The following ZNF704 variants were observed in gnomAD, a reference collection of about 807,000 sequenced individuals.
ZNF704 encodes the protein glucocorticoid induced gene 1.
ZNF704 carries 10 observed loss-of-function variants against 44.7 expected under a neutral mutation model. The ratio of observed to expected loss-of-function variants is 0.22; its 90% CI spans 0.14 to 0.38. The LOEUF (loss-of-function observed/expected upper bound fraction) is 0.38. ZNF704 is among the 10% of genes least tolerant of loss of function. The pLI is 1.00. For missense variants in ZNF704, 390 were observed against 545.5 expected (o/e 0.71, Z 2.84); for synonymous variants, 211 against 207.6 (o/e 1.02, Z -0.14).
intron 2 of ZNF704, among the ~76,000 whole-genome samples, chr8:80,804,300 T>C (rs1807950330): frequency 6.6e-6 from 1 of 152,298 alleles, no homozygotes; most frequent in Admixed American, 6.5e-5. Flanking sequence ...GACATACCAT[T>C]TAACCCAGCA....
rs1197426796 is a variant in ZNF704, at chr8:80,632,371, T to G, written c.*8995A>C. 1 of 152,164 alleles carries G rather than the reference T, an allele frequency of 6.6e-6. No individual in the cohort carries two copies. Among genetic ancestry groups the G allele is most frequent in the Non-Finnish European group, 1.5e-5 (1 of 68,052 alleles). The allele number at this position is 152,164 out of a possible 1,614,324, so 9.4% of individuals were successfully genotyped here. ...GACAGGGTTTCCCTCTTTCTTCTTT[T>G]GTTTTCACTCTTTCTTCCTCTGTTG... On this transcript the variant is annotated 3_prime_UTR_variant, in exon 9 of 9. Transcript: ENST00000327835.
At chr8:80,798,009 C>T (rs1807835761) in intron 2 of ZNF704, among the ~76,000 whole-genome samples, 1 of 152,152 alleles carries the variant, frequency 6.6e-6, no homozygotes, top group African/African-American at 2.4e-5. Context: ...ACTGCTTCAA[C>T]ATTTCTTCTG....
At chr8:80,674,574 C>T (rs1384553110) in intron 4 of ZNF704, among the ~76,000 whole-genome samples, 3 of 152,140 alleles carry the variant, frequency 2.0e-5, no homozygotes, top group African/African-American at 7.2e-5. Context: ...GGGAACTAAT[C>T]CATTCTCTCA....
At chr8:80,843,973 A>G (rs79922647) in intron 1 of ZNF704, among the ~76,000 whole-genome samples, 138 of 87,180 alleles carry the variant, frequency 1.6e-3, no homozygotes, top group East Asian at 3.2e-3. Context: ...ATATATGTGT[A>G]TATATATATA....
rs1808520883 is a variant in ZNF704, at chr8:80,834,258, C to T, written c.-21-12643G>A. On this transcript the variant is annotated intron_variant, in intron 1 of 8. Coordinates refer to ENST00000327835, the MANE Select transcript of ZNF704 (RefSeq NM_001033723.3). ...CAGTGGGGATGCAAATGGTCAGTATCTAGTGTTCCATGACTTTCAGTTACA... is the reference window on the plus strand; with the variant it reads ...CAGTGGGGATGCAAATGGTCAGTATTTAGTGTTCCATGACTTTCAGTTACA... Among the ~76,000 whole-genome samples, 7 of 152,164 alleles carry T rather than the reference C, an allele frequency of 4.6e-5. No homozygotes were observed. In the South Asian group the frequency reaches 1.2e-3, roughly 27 times the overall value.
chr8:80,687,464 T>C lies in ZNF704; in HGVS notation c.326-6A>G. 3 of 1,537,296 alleles carry C rather than the reference T, an allele frequency of 2.0e-6. No individual in the cohort carries two copies. The highest frequency in any genetic ancestry group is 2.6e-6 in the Non-Finnish European group (3 of 1,142,570). On this transcript the variant is annotated splice_region_variant and splice_polypyrimidine_tract_variant and intron_variant, in intron 3 of 8. Coordinates refer to ENST00000327835, the MANE Select transcript of ZNF704 (RefSeq NM_001033723.3). ...CCAGGATCCGCTGAGGCTCTCTGCA[T>C]GCACACAAACACAGTCAGTGCCAGG... is the stretch of plus-strand genomic sequence containing the variant.
chr8:80,875,593 C>T (rs960036284), upstream of ZNF704, among the ~76,000 whole-genome samples: 2 of 152,192 alleles, frequency 1.3e-5, no homozygotes, highest in Non-Finnish European at 2.9e-5. Context: ...TGTGAGCCAC[C>T]GTGCCCGGCC....
intron 6 of ZNF704, among the ~76,000 whole-genome samples, chr8:80,660,171 A>G (rs887121948): frequency 1.4e-4 from 22 of 152,280 alleles, no homozygotes; most frequent in Non-Finnish European, 2.2e-4. Flanking sequence ...GCACAACTAT[A>G]TATTATAAAA....
chr8:80,776,545 T>A (rs1171449046), intron 2 of ZNF704: 1 of 152,242 alleles, frequency 6.6e-6, no homozygotes, highest in East Asian at 1.9e-4. Flanking sequence ...CAATTCTTTA[T>A]AATAATAAAA....
At chr8:80,650,059 G>T (rs192992129) in intron 7 of ZNF704, among the ~76,000 whole-genome samples, 1 of 152,206 alleles carries the variant, frequency 6.6e-6, no homozygotes, top group African/African-American at 2.4e-5. Context: ...ACAGGGTCTG[G>T]AGTGGACCGC....
intron 2 of ZNF704, among the ~76,000 whole-genome samples, chr8:80,792,433 C>T (rs1807725252): frequency 6.6e-6 from 1 of 152,094 alleles, no homozygotes; most frequent in Non-Finnish European, 1.5e-5. Context: ...TAACATGACC[C>T]CCAAAGATCC....
intron 1 of ZNF704, among the ~76,000 whole-genome samples, chr8:80,868,530 G>T (rs1221609230): frequency 6.6e-6 from 1 of 152,148 alleles, no homozygotes; most frequent in Non-Finnish European, 1.5e-5. Context: ...CCCCACTTGT[G>T]GCCACATACT....
rs184292295 is a variant in ZNF704, at chr8:80,747,544, C to G, written c.222-54437G>C. The stretch of plus-strand genomic sequence containing the variant: ...CCAAATACTGTGGCATTAAAATAAA[C>G]TTGGATGAAGGATGTCATTAGAGAA... On this transcript the variant is annotated intron_variant, in intron 2 of 8. Coordinates refer to ENST00000327835, the MANE Select transcript of ZNF704 (RefSeq NM_001033723.3). Among the ~76,000 whole-genome samples, 3 of 152,254 alleles carry G rather than the reference C, an allele frequency of 2.0e-5. No individual in the cohort carries two copies. The East Asian group carries it at 5.8e-4, about 29-fold the overall frequency.
In ZNF704 at chr8:80,674,865, A is replaced by G. The variant is rs550885671; in HGVS notation, c.559-4262T>C. 2.6e-5 allele frequency among the ~76,000 whole-genome samples: 4 copies of G among 152,366 alleles called. No homozygotes were observed. In the South Asian group the frequency reaches 8.3e-4, roughly 32 times the overall value. ...TATTGTAGAAAATATCTTCCACTTA[A>G]GAGAACCAATGACTCAAGCAAAAAT... is the stretch of plus-strand genomic sequence containing the variant. On this transcript the variant is annotated intron_variant, in intron 4 of 8. Transcript: ENST00000327835.
chr8:80,704,352 C>G lies in ZNF704; in HGVS notation c.222-11245G>C, dbSNP rs115541596. ...CAGTCTTAAACTAACAGAAAGCCCT[C>G]TGTGTGCATGTTGAGTGCCTGTCAT... On this transcript the variant is annotated intron_variant, in intron 2 of 8. Coordinates refer to ENST00000327835, the MANE Select transcript of ZNF704 (RefSeq NM_001033723.3). Among the ~76,000 whole-genome samples, 1,100 of 152,324 alleles carry G rather than the reference C, an allele frequency of 7.2e-3. 9 individuals are homozygous for G. The highest frequency in any genetic ancestry group is 0.024 in the African/African-American group (1,009 of 41,550).
chr8:80,696,170 T>C (rs1300757648), intron 2 of ZNF704, among the ~76,000 whole-genome samples: 2 of 152,202 alleles, frequency 1.3e-5, no homozygotes. Flanking sequence ...GCCCTTCTGG[T>C]AGATTTGGAG....
chr8:80,767,345 A>T (rs975905323), intron 2 of ZNF704, among the ~76,000 whole-genome samples: 1 of 152,102 alleles, frequency 6.6e-6, no homozygotes, highest in African/African-American at 2.4e-5. Flanking sequence ...CGAGAAACAC[A>T]TGGCCACCAG....
intron 2 of ZNF704, among the ~76,000 whole-genome samples, chr8:80,718,558 C>T (rs1261662344): frequency 1.3e-5 from 2 of 152,100 alleles, no homozygotes; most frequent in African/African-American, 2.4e-5. Flanking sequence ...TTCTGTTTGC[C>T]CCTCTTGCAC....
At chr8:80,764,818 A>G (rs1035470287) in intron 2 of ZNF704, among the ~76,000 whole-genome samples, 2 of 152,262 alleles carry the variant, frequency 1.3e-5, no homozygotes, top group Non-Finnish European at 2.9e-5. Flanking sequence ...TTTATTCAAG[A>G]GAATAATTTC....
Sources: gnomAD v4.1 joint callset for allele counts (sites outside exome capture counted in the v4.1 genomes callset) on GRCh38, gnomAD v4.1.1 for gene constraint, MANE v1.5 for transcripts, NCBI Gene and HGNC (gene_info 2026-07-23, HGNC 2026-07-21) for gene names.